Variants in ZFP64 observed in about 807,000 individuals in gnomAD.
ZFP64 encodes the protein ZFP64 zinc finger protein.
A neutral mutation model predicts 51.6 loss-of-function variants in ZFP64; 14 were observed. That is an observed-to-expected ratio of 0.27 (90% CI 0.18 to 0.42). The LOEUF (loss-of-function observed/expected upper bound fraction) is 0.42, where lower values mean the gene tolerates loss of function less well. Among genes scored for constraint, ZFP64 ranks in the 10% least tolerant of loss-of-function variants. The pLI, the probability that ZFP64 is intolerant of heterozygous loss-of-function variation, is 1.00. For missense variants in ZFP64, 754 were observed against 906.8 expected (o/e 0.83, Z 2.16); for synonymous variants, 375 against 361.4 (o/e 1.04, Z -0.43).
chr20:52,104,596 C>G (rs1488135058), intron 5 of ZFP64: 1 of 424,754 alleles, frequency 2.4e-6, no homozygotes, highest in East Asian at 7.1e-5. Flanking sequence ...GCAGCGCTGA[C>G]GCCCTGGGTC....
intron 2 of ZFP64, among the ~76,000 whole-genome samples, chr20:52,179,168 G>T (rs1983443345): frequency 6.6e-6 from 1 of 152,118 alleles, no homozygotes; most frequent in Non-Finnish European, 1.5e-5. Context: ...AAAAAGGGGG[G>T]TGTCCCTGCA....
chr20:52,146,787 G>C (rs1980551495), downstream of ZFP64, among the ~76,000 whole-genome samples: 1 of 152,308 alleles, frequency 6.6e-6, no homozygotes, highest in Non-Finnish European at 1.5e-5. Flanking sequence ...GTAACATGCA[G>C]TCTGTTGTTG....
chr20:52,098,286 C>G lies in ZFP64; in HGVS notation c.913+152G>C, dbSNP rs547015044. On this transcript the variant is annotated intron_variant, in intron 6 of 8. Transcript: ENST00000361387. ...CTCTGGATGCTACAGGCCTCTTAGG[C>G]CCCCCAGGGAAGGCTGTTGTGTGCT... The G allele has an allele frequency of 4.7e-6, 5 of 1,052,778 alleles. No homozygotes were observed. In the Admixed American group the frequency reaches 1.1e-4, roughly 23 times the overall value. The allele number at this position is 1,052,778 out of a possible 1,614,324, so 65.2% of individuals were successfully genotyped here.
intron 5 of ZFP64, among the ~76,000 whole-genome samples, chr20:52,125,649 G>A (rs905597617): frequency 6.6e-6 from 1 of 152,166 alleles, no homozygotes; most frequent in African/African-American, 2.4e-5. Flanking sequence ...AGTAGCTGGT[G>A]CCTGCCAGCC....
At chr20:52,121,312 T>C (rs2122851925) in intron 5 of ZFP64, among the ~76,000 whole-genome samples, 1 of 152,148 alleles carries the variant, frequency 6.6e-6, no homozygotes, top group South Asian at 2.1e-4. Flanking sequence ...GCCTTTTGAG[T>C]CCAACAGCCA....
Position 52,142,035 on chromosome 20 carries a change from AC to A in ZFP64, c.763+18087del, listed in dbSNP as rs372800680. Among the ~76,000 whole-genome samples, 292 of 152,268 alleles carry A rather than the reference AC, an allele frequency of 1.9e-3. 2 individuals carry two copies. Among genetic ancestry groups the A allele is most frequent in the African/African-American group, 6.6e-3 (275 of 41,546 alleles). ...CATACAGTGTGGAATAGTAGACATT[AC>A]AGACTCAGAAGGATGGGAGGGAGGT... is the stretch of plus-strand genomic sequence containing the variant. On this transcript the variant is annotated intron_variant, in intron 5 of 8. Coordinates refer to the ZFP64 transcript ENST00000361387.
chr20:52,130,401 A>AG lies in ZFP64; in HGVS notation c.763+29721dup, dbSNP rs567102519. 3.2e-4 allele frequency among the ~76,000 whole-genome samples: 49 copies of AG among 152,022 alleles called. 1 individual carries two copies. Among genetic ancestry groups the AG allele is most frequent in the Middle Eastern group, 6.8e-3 (2 of 294 alleles). The stretch of plus-strand genomic sequence containing the variant: ...ACTAATCTTTTTATTTTTTGTAGAG[A>AG]GGGGGTCTCCTTATGTTGTCCACTC... On this transcript the variant is annotated intron_variant, in intron 5 of 8. Transcript: ENST00000361387.
chr20:52,145,140 C>T (rs1363255729), intron 5 of ZFP64, among the ~76,000 whole-genome samples: 1 of 152,030 alleles, frequency 6.6e-6, no homozygotes, highest in East Asian at 1.9e-4. Flanking sequence ...AAGAAACAAG[C>T]AAAAATCAGA....
intron 3 of ZFP64, chr20:52,165,024 T>C (rs1441128323): frequency 3.3e-6 from 2 of 597,796 alleles, no homozygotes; most frequent in Admixed American, 2.1e-5. Flanking sequence ...ATCACTGGCC[T>C]ATACTTTTCA....
At chr20:52,159,084 A>C (rs1479007462) in intron 5 of ZFP64, among the ~76,000 whole-genome samples, 2 of 152,210 alleles carry the variant, frequency 1.3e-5, no homozygotes, top group African/African-American at 4.8e-5. Context: ...AAAGGCACCC[A>C]GCCTTCCCCA....
intron 2 of ZFP64, among the ~76,000 whole-genome samples, chr20:52,182,233 G>A (rs58318946): frequency 0.079 from 11,976 of 152,226 alleles, 540 homozygotes; most frequent in Non-Finnish European, 0.1. Flanking sequence ...ATTGGGATGC[G>A]AGTCCAGCAG....
intron 7 of ZFP64, chr20:52,097,139 C>T (rs1212462873): frequency 2.6e-6 from 2 of 775,172 alleles, no homozygotes; most frequent in Non-Finnish European, 4.8e-6. Context: ...TTTAAGAAGC[C>T]ACCTTATTGC....
At chr20:52,116,617 G>A (rs1978887206) in intron 5 of ZFP64, among the ~76,000 whole-genome samples, 1 of 151,908 alleles carries the variant, frequency 6.6e-6, no homozygotes, top group Non-Finnish European at 1.5e-5. Context: ...GATATATTAA[G>A]TGAAACATCC....
At chr20:52,117,081 G>GCACA (rs74600972) in intron 5 of ZFP64, among the ~76,000 whole-genome samples, 26,444 of 150,754 alleles carry the variant, frequency 0.18, 2,406 homozygotes, top group Non-Finnish European at 0.21. Flanking sequence ...ACACACACAC[G>GCACA]CACACACACA....
intron 5 of ZFP64, among the ~76,000 whole-genome samples, chr20:52,106,909 C>A (rs900666138): frequency 6.6e-6 from 1 of 152,158 alleles, no homozygotes; most frequent in East Asian, 1.9e-4. Flanking sequence ...CCAGCCTGGC[C>A]AACATGATGG....
intron 7 of ZFP64, chr20:52,088,816 T>C: frequency 1.2e-6 from 1 of 805,574 alleles, no homozygotes; most frequent in Non-Finnish European, 2.0e-6. Flanking sequence ...ATGTGTATCA[T>C]TCATTGATAG....
intron 5 of ZFP64, among the ~76,000 whole-genome samples, chr20:52,158,447 T>C (rs1403511532): frequency 6.6e-6 from 1 of 152,234 alleles, no homozygotes; most frequent in African/African-American, 2.4e-5. Flanking sequence ...GGCTAACACC[T>C]GTAATCCTAG....
chr20:52,104,272 G>A (rs1374299712), intron 5 of ZFP64, among the ~76,000 whole-genome samples: 2 of 152,210 alleles, frequency 1.3e-5, no homozygotes, highest in Non-Finnish European at 2.9e-5. Flanking sequence ...TAACTTGCAG[G>A]AAGAATTTGG....
rs1326235159 is a variant in ZFP64 at position 52,158,708 on chromosome 20, A to AAAAG, written c.763+1411_763+1414dup. On this transcript the variant is annotated intron_variant, in intron 5 of 5. Transcript: ENST00000216923. ...GCAACAGAGTGAGACTCCATCTCAAAAAAGAAAGAAAGAAAGAAAAAGTCC... is the reference window on the plus strand; with the variant it reads ...GCAACAGAGTGAGACTCCATCTCAAAAAAGAAAGAAAGAAAGAAAGAAAAAGTCC... 4.6e-5 allele frequency among the ~76,000 whole-genome samples: 7 copies of AAAAG among 152,112 alleles called. No individual in the cohort carries two copies. The East Asian group carries it at 1.2e-3, about 25-fold the overall frequency.
Sources: gnomAD v4.1 joint callset for allele counts (sites outside exome capture counted in the v4.1 genomes callset) on GRCh38, gnomAD v4.1.1 for gene constraint, MANE v1.5 for transcripts, NCBI Gene and HGNC (gene_info 2026-07-23, HGNC 2026-07-21) for gene names.